Variants in OSBPL10 observed in about 807,000 individuals in gnomAD.
OSBPL10 encodes the protein oxysterol binding protein like 10.
OSBPL10 carries 49 observed loss-of-function variants against 81.7 expected under a neutral mutation model. That is an observed-to-expected ratio of 0.60 (90% CI 0.48 to 0.76). OSBPL10 has a LOEUF of 0.76. OSBPL10 is among the 30% of genes least tolerant of loss of function. OSBPL10 has a pLI of 0.00. For synonymous variants in OSBPL10, 419 were observed against 383.6 expected, an observed-to-expected ratio of 1.09 and a Z score of -1.08; for missense variants, 923 against 987.8, an observed-to-expected ratio of 0.93 and a Z score of 0.88.
intron 3 of OSBPL10, among the ~76,000 whole-genome samples, chr3:31,847,211 T>TTA (rs1553633052): frequency 2.7e-5 from 4 of 148,660 alleles, no homozygotes; most frequent in African/African-American, 9.9e-5. Context: ...TTTTTTTTTT[T>TTA]AAAAAGACAG....
At chr3:31,731,552 G>A (rs1010654131) in intron 6 of OSBPL10, among the ~76,000 whole-genome samples, 3 of 150,658 alleles carry the variant, frequency 2.0e-5, no homozygotes, top group Non-Finnish European at 4.4e-5. Context: ...GCAATGGTGC[G>A]ATCTTGGCTC....
chr3:31,984,029 T>A (rs1430456028), upstream of OSBPL10, among the ~76,000 whole-genome samples: 1 of 148,966 alleles, frequency 6.7e-6, no homozygotes, highest in Admixed American at 6.7e-5. Context: ...AGGGGTTTTT[T>A]TTGTTTTTGT....
upstream of OSBPL10, among the ~76,000 whole-genome samples, chr3:31,984,616 T>C (rs1249851781): frequency 6.6e-6 from 1 of 152,160 alleles, no homozygotes; most frequent in Non-Finnish European, 1.5e-5. Context: ...ATGGGGAGGT[T>C]AGAAATCTTG....
chr3:31,959,217 A>G (rs1165607019), intron 1 of OSBPL10, among the ~76,000 whole-genome samples: 1 of 152,154 alleles, frequency 6.6e-6, no homozygotes, highest in Admixed American at 6.6e-5. Context: ...TTTTTAATGC[A>G]GTCTAATCAA....
intron 4 of OSBPL10, among the ~76,000 whole-genome samples, chr3:31,767,842 C>T (rs1048807903): frequency 6.6e-6 from 1 of 152,144 alleles, no homozygotes; most frequent in Non-Finnish European, 1.5e-5. Flanking sequence ...TGTCACAAGG[C>T]GAACCTCAAA....
At chr3:32,000,051 C>T (rs1181063927) in intron 2 of OSBPL10, among the ~76,000 whole-genome samples, 1 of 152,138 alleles carries the variant, frequency 6.6e-6, no homozygotes, top group African/African-American at 2.4e-5. Flanking sequence ...GTCTGAGTCT[C>T]ATGGTCCAAT....
intron 6 of OSBPL10, among the ~76,000 whole-genome samples, chr3:31,713,135 C>T (rs1195597665): frequency 6.6e-6 from 1 of 152,156 alleles, no homozygotes; most frequent in Non-Finnish European, 1.5e-5. Context: ...AGCTGAAAGC[C>T]CTCTCCTCTT....
intron 6 of OSBPL10, among the ~76,000 whole-genome samples, chr3:31,703,013 A>C (rs1281763690): frequency 2.0e-5 from 3 of 152,236 alleles, no homozygotes; most frequent in Admixed American, 1.3e-4. Flanking sequence ...TCTAGCAGGT[A>C]TAAGAAAATG....
intron 4 of OSBPL10, among the ~76,000 whole-genome samples, chr3:31,801,218 C>A (rs1699370119): frequency 6.6e-6 from 1 of 152,120 alleles, no homozygotes; most frequent in South Asian, 2.1e-4. Flanking sequence ...ATAAACTGGG[C>A]CACACAGAAC....
intron 1 of OSBPL10, among the ~76,000 whole-genome samples, chr3:31,886,241 C>A (rs911777153): frequency 6.6e-6 from 1 of 152,042 alleles, no homozygotes; most frequent in Non-Finnish European, 1.5e-5. Flanking sequence ...GCATAAAGGG[C>A]CCAAGAAGGG....
intron 1 of OSBPL10, among the ~76,000 whole-genome samples, chr3:32,053,996 T>A (rs1699688464): frequency 6.6e-6 from 1 of 151,762 alleles, no homozygotes; most frequent in African/African-American, 2.4e-5. Context: ...AAGAAAGAAA[T>A]TTTTGGGTTT....
chr3:32,003,802 G>A (rs1228117807), intron 2 of OSBPL10, among the ~76,000 whole-genome samples: 4 of 152,176 alleles, frequency 2.6e-5, no homozygotes, highest in Non-Finnish European at 2.9e-5. Flanking sequence ...TGCCAAGGCT[G>A]TCCCTGGAGG....
intron 6 of OSBPL10, chr3:31,714,908 C>T (rs1696385316): frequency 2.0e-5 from 3 of 150,992 alleles, no homozygotes; most frequent in Admixed American, 2.0e-4. Flanking sequence ...CTTCCCCAGA[C>T]ACCCACTGCT....
At chr3:32,068,016 A>G (rs915638651) in intron 1 of OSBPL10, among the ~76,000 whole-genome samples, 1 of 152,164 alleles carries the variant, frequency 6.6e-6, no homozygotes, top group African/African-American at 2.4e-5. Context: ...ATCCACCTAC[A>G]ACCTCCGGTC....
At chr3:31,989,664 T>A in intron 2 of OSBPL10, 2 of 1,614,142 alleles carry the variant, frequency 1.2e-6, no homozygotes, top group Non-Finnish European at 1.7e-6. Context: ...CCCAAAGAAT[T>A]TCTTCTAGGC....
intron 3 of OSBPL10, among the ~76,000 whole-genome samples, chr3:31,869,905 C>T (rs1701276404): frequency 1.3e-5 from 2 of 152,242 alleles, no homozygotes; most frequent in South Asian, 2.1e-4. Flanking sequence ...CAGGCCAGTT[C>T]CTGATTCATC....
intron 2 of OSBPL10, among the ~76,000 whole-genome samples, chr3:32,026,436 C>T (rs984666367): frequency 2.0e-5 from 3 of 152,160 alleles, no homozygotes; most frequent in African/African-American, 7.2e-5. Context: ...CCGGCTAAGC[C>T]ATAATATTCT....
chr3:31,676,464 G>A (rs1575468623), intron 8 of OSBPL10, among the ~76,000 whole-genome samples: 1 of 150,616 alleles, frequency 6.6e-6, no homozygotes, highest in East Asian at 1.9e-4. Context: ...ATCTTCATTT[G>A]AAATTCCACA....
At chr3:31,870,161 G>C (rs537084626) in intron 3 of OSBPL10, among the ~76,000 whole-genome samples, 114 of 152,384 alleles carry the variant, frequency 7.5e-4, no homozygotes, top group African/African-American at 2.5e-3. Flanking sequence ...CACTGCGCTT[G>C]CGGGCCAGCT....
Sources: allele counts gnomAD v4.1 joint callset (sites outside exome capture counted in the v4.1 genomes callset), GRCh38; gene constraint gnomAD v4.1.1; transcripts MANE v1.5; gene names NCBI Gene and HGNC (gene_info 2026-07-23, HGNC 2026-07-21).